ATP11C: variants seen among roughly 807,000 people sequenced by gnomAD.
ATP11C encodes phospholipid-transporting ATPase IG.
ATP11C carries 36 observed loss-of-function variants against 97.4 expected under a neutral mutation model. The ratio of observed to expected loss-of-function variants is 0.37; its 90% confidence interval spans 0.28 to 0.49. The LOEUF (loss-of-function observed/expected upper bound fraction) is 0.49, where lower values mean the gene tolerates loss of function less well. ATP11C is among the 20% of genes least tolerant of loss of function. The pLI is 0.98. For synonymous variants in ATP11C, 275 were observed against 290.9 expected (o/e 0.95, Z 0.56); for missense variants, 730 against 824.6 (o/e 0.89, Z 1.40).
At chrX:139,742,160 G>C (rs917444478) in intron 26 of ATP11C, among the ~76,000 whole-genome samples, 9 of 111,479 alleles carry the variant, frequency 8.1e-5, no homozygotes, top group African/African-American at 2.9e-4. Context: ...AAAAAAGGAG[G>C]GGGGAGGCGT....
intron 20 of ATP11C, among the ~76,000 whole-genome samples, chrX:139,764,874 T>G (rs1206180333): frequency 8.9e-6 from 1 of 111,862 alleles, no homozygotes; most frequent in Non-Finnish European, 1.9e-5. Flanking sequence ...AGAAATAACC[T>G]GTAAGTGAAA....
At chrX:139,810,644 C>T (rs1429380358) in intron 5 of ATP11C, among the ~76,000 whole-genome samples, 2 of 111,901 alleles carry the variant, frequency 1.8e-5, no homozygotes, top group Non-Finnish European at 3.8e-5. Flanking sequence ...AAATTTATAG[C>T]ATTAAACATT....
chrX:139,803,523 C>A (rs994814367), intron 6 of ATP11C, among the ~76,000 whole-genome samples: 1 of 109,770 alleles, frequency 9.1e-6, no homozygotes, highest in Non-Finnish European at 1.9e-5. Flanking sequence ...CCAAGAAAAC[C>A]GACTGTGCCA....
intron 1 of ATP11C, among the ~76,000 whole-genome samples, chrX:139,906,843 C>T (rs2084987405): frequency 9.0e-6 from 1 of 110,683 alleles, no homozygotes; most frequent in Non-Finnish European, 1.9e-5. Context: ...CCTTGTATTG[C>T]TTGCAGTAGG....
intron 1 of ATP11C, among the ~76,000 whole-genome samples, chrX:139,898,813 A>ATT (rs2084850820): frequency 8.9e-6 from 1 of 111,823 alleles, no homozygotes; most frequent in Admixed American, 9.5e-5. Context: ...TCCTACTTAA[A>ATT]TAACAATCTC....
intron 25 of ATP11C, 91 bp downstream of exon 25, chrX:139,745,631 C>T: frequency 1.0e-6 from 1 of 976,136 alleles, no homozygotes; most frequent in Non-Finnish European, 1.4e-6. Flanking sequence ...ATGATTACAG[C>T]TAGAGTATGT....
intron 1 of ATP11C, among the ~76,000 whole-genome samples, chrX:139,850,081 C>T (rs1198014810): frequency 9.0e-6 from 1 of 111,634 alleles, no homozygotes; most frequent in Admixed American, 9.5e-5. Flanking sequence ...ATTATAGCAA[C>T]ACAAAATGAA....
intron 8 of ATP11C, among the ~76,000 whole-genome samples, chrX:139,799,644 C>CTTT (rs754371113): frequency 2.6e-3 from 155 of 60,349 alleles, no homozygotes; most frequent in African/African-American, 3.1e-3. Flanking sequence ...CTTTATATTC[C>CTTT]TTTTTTTTTT....
rs184080703 is a variant in ATP11C, at chrX:139,919,112, G to A, written c.27+12904C>T. Among the ~76,000 whole-genome samples, 214 of 110,370 alleles carry A rather than the reference G, an allele frequency of 1.9e-3. 2 individuals are homozygous for A. Among genetic ancestry groups the A allele is most frequent in the African/African-American group, 6.4e-3 (193 of 30,275 alleles). On this transcript the variant is annotated intron_variant, in intron 1 of 29. Transcript: ENST00000682941. ...TTTTAAATTAGCCAGGCATGGTGGC[G>A]TGTGCCTGTAATTCCAGCTGCTCAG... is the stretch of plus-strand genomic sequence containing the variant.
intron 25 of ATP11C, 75 bp from the exon 26 acceptor site, chrX:139,743,699 A>G (rs183092049): frequency 1.5e-6 from 1 of 646,893 alleles, no homozygotes; most frequent in African/African-American, 2.3e-5. Flanking sequence ...TTAAAAAAAA[A>G]GCCAAGTTGA....
intron 1 of ATP11C, among the ~76,000 whole-genome samples, chrX:139,842,607 C>T (rs2083851462): frequency 2.7e-5 from 3 of 112,254 alleles, no homozygotes; most frequent in Admixed American, 1.9e-4. Flanking sequence ...ATATTTGCAG[C>T]GCACTGCTAA....
chrX:139,857,743 T>C (rs754657735), intron 1 of ATP11C, among the ~76,000 whole-genome samples: 3 of 110,510 alleles, frequency 2.7e-5, no homozygotes, highest in South Asian at 3.9e-4. Flanking sequence ...CACCCTTCTA[T>C]ATAGAAGTAC....
chrX:139,793,232 T>A (rs1181518567), intron 12 of ATP11C, among the ~76,000 whole-genome samples: 1 of 111,693 alleles, frequency 9.0e-6, no homozygotes, highest in Non-Finnish European at 1.9e-5. Flanking sequence ...ATTAATCCCA[T>A]CATACAGAAA....
chrX:139,741,169 C>T, intron 26 of ATP11C, 75 bp from the exon 27 acceptor site: 1 of 615,204 alleles, frequency 1.6e-6, no homozygotes, highest in Non-Finnish European at 2.7e-6. Flanking sequence ...TATCTGATAA[C>T]TAGTACACAA....
intron 1 of ATP11C, among the ~76,000 whole-genome samples, chrX:139,862,203 G>A (rs1264471715): frequency 9.0e-6 from 1 of 111,221 alleles, no homozygotes; most frequent in Non-Finnish European, 1.9e-5. Context: ...AGGTCATGGA[G>A]ACTCCACTCT....
In ATP11C at chrX:139,805,384, G is replaced by T. The variant is rs752262907; in HGVS notation, c.427-785C>A. Among the ~76,000 whole-genome samples the T allele has an allele frequency of 2.7e-5, 3 of 111,796 alleles. No individual in the cohort carries two copies. In the South Asian group the frequency reaches 1.1e-3, roughly 42 times the overall value. ...CCTTAAATAAGTGTCTTAGACGATT[G>T]CAACTACCTCAGAGAATTAATGTGA... On this transcript the variant is annotated intron_variant, in intron 5 of 29. Transcript: ENST00000682941.
intron 1 of ATP11C, among the ~76,000 whole-genome samples, chrX:139,869,607 C>T (rs1458377478): frequency 4.6e-5 from 4 of 86,941 alleles, no homozygotes; most frequent in Non-Finnish European, 6.4e-5. Flanking sequence ...TGTGGCAAAA[C>T]CCCCTCTCTA....
upstream of ATP11C, among the ~76,000 whole-genome samples, chrX:139,933,889 A>G (rs1186154362): frequency 8.9e-6 from 1 of 112,721 alleles, no homozygotes; most frequent in Non-Finnish European, 1.9e-5. Flanking sequence ...GGTGGTCGCA[A>G]TCTGGTTGGG....
At chrX:139,762,628 A>C (rs1228953296) in intron 21 of ATP11C, among the ~76,000 whole-genome samples, 1 of 111,496 alleles carries the variant, frequency 9.0e-6, no homozygotes. Context: ...TGCACAAGAA[A>C]TAGGAATACT....
Sources: gnomAD v4.1 joint callset for allele counts (sites outside exome capture counted in the v4.1 genomes callset) on GRCh38, gnomAD v4.1.1 for gene constraint, MANE v1.5 for transcripts, NCBI Gene and HGNC (gene_info 2026-07-23, HGNC 2026-07-21) for gene names.